The following SLC26A5 variants were observed in gnomAD, a reference collection of about 807,000 sequenced individuals.
The protein encoded by SLC26A5 is prestin.
A neutral mutation model predicts 81.0 loss-of-function variants in SLC26A5; 51 were observed. That is an observed-to-expected ratio of 0.63 (90% CI 0.50 to 0.80). The LOEUF (loss-of-function observed/expected upper bound fraction) is 0.80. SLC26A5 is among the 30% of genes least tolerant of loss of function. The pLI is 0.00. For missense variants in SLC26A5, 771 were observed against 905.8 expected, an observed-to-expected ratio of 0.85 and a Z score of 1.91; for synonymous variants, 325 against 332.8, an observed-to-expected ratio of 0.98 and a Z score of 0.25.
At chr7:103,442,147 T>C (rs1041695753) in intron 2 of SLC26A5, among the ~76,000 whole-genome samples, 8 of 120,974 alleles carry the variant, frequency 6.6e-5, no homozygotes, top group East Asian at 6.1e-4. Flanking sequence ...TCTTTTTTTT[T>C]TAATTTTCTT....
chr7:103,429,024 A>G (rs545868366), intron 2 of SLC26A5, among the ~76,000 whole-genome samples: 7 of 152,188 alleles, frequency 4.6e-5, no homozygotes, highest in Non-Finnish European at 8.8e-5. Context: ...CCTGGAAATT[A>G]CTATTCTCTG....
At chr7:103,426,431 A>G (rs1408613199) in intron 2 of SLC26A5, among the ~76,000 whole-genome samples, 3 of 152,232 alleles carry the variant, frequency 2.0e-5, no homozygotes, top group Non-Finnish European at 4.4e-5. Flanking sequence ...TGTCTCAAAT[A>G]TTGCATGGGA....
chr7:103,399,756 T>C (rs1823427672), intron 8 of SLC26A5, among the ~76,000 whole-genome samples: 2 of 152,186 alleles, frequency 1.3e-5, no homozygotes, highest in Admixed American at 6.5e-5. Flanking sequence ...GTGTGTGATG[T>C]TCCCCTGCCT....
chr7:103,377,758 T>C lies in SLC26A5; in HGVS notation c.1827A>G (p.Glu609=). The C allele has an allele frequency of 6.2e-7, 1 of 1,614,140 alleles. No individual in the cohort carries two copies. The highest frequency in any genetic ancestry group is 8.5e-7 in the Non-Finnish European group (1 of 1,180,024). ...GGGGATATTTTACTTCACCATCCTCTTCTTCAGGCTTGGTAGCATCCTCTC... is the reference window on the plus strand; with the variant it reads ...GGGGATATTTTACTTCACCATCCTCCTCTTCAGGCTTGGTAGCATCCTCTC... ...VDGEDATKPE[E]EDGEVKYPPI... The change falls in exon 18 of 20, where the codon GAA becomes GAG. Residue 609 remains glutamate (E), a synonymous_variant. Transcript: ENST00000306312.
intron 2 of SLC26A5, among the ~76,000 whole-genome samples, chr7:103,427,223 G>A (rs892135146): frequency 3.3e-5 from 5 of 151,930 alleles, no homozygotes; most frequent in East Asian, 1.9e-4. Flanking sequence ...ACAGGTGTGC[G>A]CCACCACGCC....
chr7:103,416,749 CTCAT>C (rs943797880), intron 4 of SLC26A5, among the ~76,000 whole-genome samples: 4 of 152,048 alleles, frequency 2.6e-5, no homozygotes, highest in African/African-American at 4.8e-5. Context: ...TGTCTCCTCT[CTCAT>C]TTTCTTCCTC....
At chr7:103,371,725 T>C (rs1821051323), downstream of SLC26A5, among the ~76,000 whole-genome samples, 1 of 149,366 alleles carries the variant, frequency 6.7e-6, no homozygotes, top group Non-Finnish European at 1.5e-5. Flanking sequence ...AGATGGAGTC[T>C]TGCTCTGACA....
intron 16 of SLC26A5, 138 bp from the exon 17 acceptor site, chr7:103,378,691 C>T: frequency 1.3e-6 from 1 of 772,764 alleles, no homozygotes; most frequent in Non-Finnish European, 2.3e-6. Context: ...GCCTTTCCCT[C>T]AGAGGCCCTG....
intron 19 of SLC26A5, among the ~76,000 whole-genome samples, chr7:103,361,045 C>T (rs947586322): frequency 1.0e-4 from 15 of 150,156 alleles, no homozygotes; most frequent in East Asian, 1.0e-3. Context: ...ACCCAGGAGG[C>T]GGAGATTGTA....
intron 2 of SLC26A5, among the ~76,000 whole-genome samples, chr7:103,431,167 A>C (rs370126421): frequency 6.6e-5 from 10 of 152,366 alleles, no homozygotes; most frequent in South Asian, 2.1e-4. Context: ...ATGAAAGAAG[A>C]AGCTACTGGT....
chr7:103,427,851 C>CTTTTTTTT (rs60928156), intron 2 of SLC26A5, among the ~76,000 whole-genome samples: 3 of 143,978 alleles, frequency 2.1e-5, no homozygotes, highest in Non-Finnish European at 3.0e-5. Context: ...TCTAGAGATT[C>CTTTTTTTT]TTTTTTTTTT....
At chr7:103,395,937 A>C (rs933859810) in intron 9 of SLC26A5, among the ~76,000 whole-genome samples, 1 of 152,228 alleles carries the variant, frequency 6.6e-6, no homozygotes, top group African/African-American at 2.4e-5. Flanking sequence ...ATAAGTAGTT[A>C]ACACGACTTG....
intron 19 of SLC26A5, chr7:103,355,657 T>TA: frequency 6.7e-7 from 1 of 1,503,348 alleles, no homozygotes; most frequent in South Asian, 1.1e-5. Context: ...GGTGATGCAT[T>TA]ACATTTTAGT....
intron 14 of SLC26A5, among the ~76,000 whole-genome samples, chr7:103,381,521 C>T (rs1821787632): frequency 6.6e-6 from 1 of 150,580 alleles, no homozygotes; most frequent in Non-Finnish European, 1.5e-5. Flanking sequence ...CACACAATAC[C>T]ATACACAATA....
intron 1 of SLC26A5, among the ~76,000 whole-genome samples, chr7:103,443,921 T>C (rs749357433): frequency 6.6e-6 from 1 of 152,204 alleles, no homozygotes; most frequent in Non-Finnish European, 1.5e-5. Context: ...TGAGCTTTTT[T>C]ATTTTTTTTC....
intron 9 of SLC26A5, 86 bp from the exon 10 acceptor site, chr7:103,393,152 G>A: frequency 6.6e-7 from 1 of 1,517,470 alleles, no homozygotes; most frequent in Non-Finnish European, 9.0e-7. Context: ...GCATTTTAGG[G>A]GGGCATTATC....
chr7:103,403,301 A>G (rs1280410823), intron 8 of SLC26A5, among the ~76,000 whole-genome samples: 1 of 152,172 alleles, frequency 6.6e-6, no homozygotes, highest in East Asian at 1.9e-4. Flanking sequence ...TATGAGGTCA[A>G]TTTTAGAATC....
intron 11 of SLC26A5, 106 bp from the exon 12 acceptor site, chr7:103,390,612 A>C (rs2116472533): frequency 1.1e-6 from 1 of 895,186 alleles, no homozygotes; most frequent in Non-Finnish European, 1.9e-6. Flanking sequence ...AGATCAAGAA[A>C]ATATGGATTC....
intron 19 of SLC26A5, chr7:103,354,841 C>G: frequency 6.8e-7 from 1 of 1,465,118 alleles, no homozygotes; most frequent in Non-Finnish European, 9.5e-7. Context: ...TCCTGATATT[C>G]TAACTAAACT....
Sources: gnomAD v4.1 joint callset for allele counts (sites outside exome capture counted in the v4.1 genomes callset) on GRCh38, gnomAD v4.1.1 for gene constraint, MANE v1.5 for transcripts, NCBI Gene and HGNC (gene_info 2026-07-23, HGNC 2026-07-21) for gene names.